Variants in KIF13A observed in about 807,000 individuals in gnomAD.
KIF13A encodes kinesin family member 13A.
Under a neutral mutation model 212.2 loss-of-function variants are expected in KIF13A, and 79 were observed. The observed-to-expected ratio is 0.37, with a 90% CI of 0.31 to 0.45. The LOEUF (loss-of-function observed/expected upper bound fraction) is 0.45, where lower values mean the gene tolerates loss of function less well. Among genes scored for constraint, KIF13A ranks in the 20% least tolerant of loss-of-function variants. The pLI, the probability that KIF13A is intolerant of heterozygous loss-of-function variation, is 1.00. For synonymous variants in KIF13A, 789 were observed against 808.6 expected (o/e 0.98, Z 0.41); for missense variants, 1,901 against 2,209.0 (o/e 0.86, Z 2.79).
intron 18 of KIF13A, among the ~76,000 whole-genome samples, chr6:17,807,865 C>T (rs1174400694): frequency 6.6e-6 from 1 of 152,130 alleles, no homozygotes; most frequent in Non-Finnish European, 1.5e-5. Context: ...CTGGCTGACA[C>T]TTATGGAAAA....
rs775482409 is a variant in KIF13A, at chr6:17,799,217, C to T, written c.2790+49G>A. Reference sequence around the variant, plus strand: ...GGGGACAACTGATTGTTGAACTGCACCAATTTCTGCTGCTTCCTACACAGC... The same window carrying T: ...GGGGACAACTGATTGTTGAACTGCATCAATTTCTGCTGCTTCCTACACAGC... On this transcript the variant is annotated intron_variant, in intron 22 of 38. Transcript: ENST00000259711. The surrounding 1 kb of genome is among the most constrained non-coding windows in gnomAD (Gnocchi z 4.4). The T allele has an allele frequency of 7.6e-7, 1 of 1,314,194 alleles. No individual in the cohort carries two copies. The highest frequency in any genetic ancestry group is 2.6e-4 in the Middle Eastern group (1 of 3,848). 81.4% of individuals were successfully genotyped at this position (1,314,194 alleles called of 1,614,324 possible).
chr6:17,958,521 C>T (rs1038932608), intron 2 of KIF13A, among the ~76,000 whole-genome samples: 3 of 152,084 alleles, frequency 2.0e-5, no homozygotes, highest in Non-Finnish European at 2.9e-5. Context: ...CGTTTAGAAG[C>T]TATATATAGT....
downstream of KIF13A, among the ~76,000 whole-genome samples, chr6:17,761,256 T>A (rs1027106336): frequency 1.3e-5 from 2 of 152,182 alleles, no homozygotes; most frequent in African/African-American, 4.8e-5. Context: ...AACATTTAAA[T>A]TTTTGTAGAG....
chr6:17,764,093 C>T lies in KIF13A; in HGVS notation c.*17G>A, dbSNP rs765036075. 6.2e-7 allele frequency: 1 copy of T among 1,605,826 alleles called. No homozygotes were observed. Among genetic ancestry groups the T allele is most frequent in the Non-Finnish European group, 8.5e-7 (1 of 1,174,500 alleles). ...TGCGGTGAAGGGCCTCTGGGGTTGACATACAGTTAGACATACTCATTGACA... is the reference window on the plus strand; with the variant it reads ...TGCGGTGAAGGGCCTCTGGGGTTGATATACAGTTAGACATACTCATTGACA... On this transcript the variant is annotated 3_prime_UTR_variant, in exon 39 of 39. Coordinates refer to ENST00000259711, the MANE Select transcript of KIF13A (RefSeq NM_022113.6). This position sits in a 1 kb window ranked among gnomAD's most constrained non-coding sequence, Gnocchi z 5.1.
At chr6:17,896,850 G>A (rs1325216402) in intron 3 of KIF13A, among the ~76,000 whole-genome samples, 1 of 152,158 alleles carries the variant, frequency 6.6e-6, no homozygotes. Context: ...TTTTCTGTGG[G>A]GGAATACTTT....
intron 2 of KIF13A, among the ~76,000 whole-genome samples, chr6:17,938,137 T>G (rs1375205389): frequency 6.6e-6 from 1 of 151,674 alleles, no homozygotes; most frequent in Admixed American, 6.6e-5. Context: ...TCAAGTGATC[T>G]TCTCACCTAG....
At chr6:17,876,824 G>A (rs1416465418) in intron 3 of KIF13A, among the ~76,000 whole-genome samples, 1 of 152,012 alleles carries the variant, frequency 6.6e-6, no homozygotes, top group Non-Finnish European at 1.5e-5. Flanking sequence ...TTGTAGAGAT[G>A]GGACTTCGCC....
In KIF13A at chr6:17,764,426, T is replaced by A; in HGVS notation, c.5102A>T (p.Glu1701Val). The change falls in exon 39 of 39, where the codon GAA becomes GTA. Residue 1701 changes from glutamate (E) to valine (V), a missense_variant. Coordinates refer to ENST00000259711, the MANE Select transcript of KIF13A (RefSeq NM_022113.6). The surrounding 1 kb of genome is among the most constrained non-coding windows in gnomAD (Gnocchi z 5.1). ...AATTTTGCTGGGGCAGGCATCTAGTTCTGAACATGAGCCAGTCCTGCACAG... is the reference window on the plus strand; with the variant it reads ...AATTTTGCTGGGGCAGGCATCTAGTACTGAACATGAGCCAGTCCTGCACAG... Reference protein sequence around the residue: ...KSLCRTGSCSELDACPSKISQ... With the variant: ...KSLCRTGSCSVLDACPSKISQ... 6.2e-7 allele frequency: 1 copy of A among 1,614,020 alleles called. No homozygotes were observed. The highest frequency in any genetic ancestry group is 1.1e-5 in the South Asian group (1 of 91,084).
chr6:17,951,553 C>A lies in KIF13A; in HGVS notation c.146+35501G>T. The A allele has an allele frequency of 2.4e-6, 1 of 422,412 alleles. No homozygotes were observed. The highest frequency in any genetic ancestry group is 4.2e-6 in the Non-Finnish European group (1 of 237,620). 26.2% of individuals were successfully genotyped at this position (422,412 alleles called of 1,614,324 possible). ...TCACAGAGTTATGTGGCTATCACCA[C>A]AACTGCAGAACATTCTCAATACCCC... On this transcript the variant is annotated intron_variant, in intron 2 of 38. Transcript: ENST00000259711. This position sits in a 1 kb window ranked among gnomAD's most constrained non-coding sequence, Gnocchi z 4.9.
At chr6:17,921,827 C>T (rs1246095666) in intron 2 of KIF13A, among the ~76,000 whole-genome samples, 1 of 152,210 alleles carries the variant, frequency 6.6e-6, no homozygotes, top group Non-Finnish European at 1.5e-5. Flanking sequence ...AGCTCCAAAG[C>T]TTCCCCCAGT....
At chr6:17,806,715 A>C (rs1210430412) in intron 18 of KIF13A, among the ~76,000 whole-genome samples, 2 of 152,106 alleles carry the variant, frequency 1.3e-5, no homozygotes, top group Non-Finnish European at 2.9e-5. Flanking sequence ...CCCTGCCTCT[A>C]CTAAAAATAC....
chr6:17,969,565 T>C (rs1779623811), intron 2 of KIF13A, among the ~76,000 whole-genome samples: 1 of 152,240 alleles, frequency 6.6e-6, no homozygotes, highest in Non-Finnish European at 1.5e-5. Flanking sequence ...CTTTTATTTT[T>C]CTTCCTGAGG....
intron 6 of KIF13A, among the ~76,000 whole-genome samples, 156 bp from the exon 7 acceptor site, chr6:17,852,198 A>C (rs1273499056): frequency 6.6e-6 from 1 of 152,232 alleles, no homozygotes; most frequent in African/African-American, 2.4e-5. Flanking sequence ...TTGGATTAGC[A>C]AAACAATGTT....
rs376476158 is a variant in KIF13A at position 17,926,733 on chromosome 6, T to A, written c.147-28553A>T. ...GTGTAATAAGTGGAGAATGTTTAAG[T>A]ATATTAGGATATATTCAGATGATAA... On this transcript the variant is annotated intron_variant, in intron 2 of 38. Transcript: ENST00000259711. The surrounding 1 kb of genome is among the most constrained non-coding windows in gnomAD (Gnocchi z 4.3). Among the ~76,000 whole-genome samples, 1 of 151,776 alleles carries A rather than the reference T, an allele frequency of 6.6e-6. No individual in the cohort carries two copies. The highest frequency in any genetic ancestry group is 1.5e-5 in the Non-Finnish European group (1 of 68,028).
At chr6:17,977,550 G>A (rs900886357) in intron 2 of KIF13A, among the ~76,000 whole-genome samples, 23 of 152,252 alleles carry the variant, frequency 1.5e-4, no homozygotes, top group African/African-American at 4.3e-4. Flanking sequence ...TTATAAATGT[G>A]AAAACTATGA....
At chr6:17,916,724 A>G (rs1207971069) in intron 2 of KIF13A, among the ~76,000 whole-genome samples, 1 of 152,226 alleles carries the variant, frequency 6.6e-6, no homozygotes, top group Non-Finnish European at 1.5e-5. Context: ...TTAGAGATTC[A>G]CAACAACAGG....
chr6:17,891,256 C>T (rs1772027178), intron 3 of KIF13A, among the ~76,000 whole-genome samples: 1 of 152,152 alleles, frequency 6.6e-6, no homozygotes, highest in Non-Finnish European at 1.5e-5. Context: ...AATGTTTCTC[C>T]ACTCAAGAGT....
chr6:17,923,791 G>A (rs1775279483), intron 2 of KIF13A, among the ~76,000 whole-genome samples: 1 of 152,134 alleles, frequency 6.6e-6, no homozygotes, highest in African/African-American at 2.4e-5. Flanking sequence ...TTTCACCAGT[G>A]TCTGAGCTAA....
intron 6 of KIF13A, among the ~76,000 whole-genome samples, chr6:17,853,927 G>A (rs1457163182): frequency 6.7e-6 from 1 of 150,024 alleles, no homozygotes; most frequent in Non-Finnish European, 1.5e-5. Context: ...TTTAATTTTA[G>A]CTAGAGTACT....
Sources: allele counts gnomAD v4.1 joint callset (sites outside exome capture counted in the v4.1 genomes callset), GRCh38; gene constraint gnomAD v4.1.1; non-coding constraint Gnocchi (gnomAD v3.1); transcripts MANE v1.5; gene names NCBI Gene and HGNC (gene_info 2026-07-23, HGNC 2026-07-21).